Variants in PDE4D observed in about 807,000 individuals in gnomAD.
PDE4D encodes phosphodiesterase 4D.
PDE4D carries 24 observed loss-of-function variants against 87.4 expected under a neutral mutation model. The ratio of observed to expected loss-of-function variants is 0.27; its 90% confidence interval spans 0.20 to 0.39. The LOEUF (loss-of-function observed/expected upper bound fraction) is 0.39. Ranked by LOEUF, PDE4D falls within the 10% of genes least tolerant of loss-of-function variation. The probability of loss-of-function intolerance (pLI) is 1.00; values close to 1 mark genes in which losing one functional copy is unlikely to be tolerated. For missense variants in PDE4D, 714 were observed against 1,041.0 expected (o/e 0.69, Z 4.32); for synonymous variants, 384 against 383.2 (o/e 1.00, Z -0.02).
intron 2 of PDE4D, chr5:60,147,846 TGA>T (rs1221707609): frequency 2.2e-6 from 1 of 452,694 alleles, no homozygotes; most frequent in Non-Finnish European, 4.4e-6. Context: ...AGTGTCTTTG[TGA>T]GTTGACAGCT....
intron 1 of PDE4D, among the ~76,000 whole-genome samples, chr5:60,301,498 T>C (rs990321977): frequency 6.6e-6 from 1 of 152,210 alleles, no homozygotes; most frequent in Non-Finnish European, 1.5e-5. Flanking sequence ...ATTCATGATT[T>C]GGCTCTCTGC....
At chr5:59,899,246 C>T (rs983587036) in intron 3 of PDE4D, among the ~76,000 whole-genome samples, 5 of 151,946 alleles carry the variant, frequency 3.3e-5, no homozygotes, top group South Asian at 2.1e-4. Context: ...GAGAATAGCC[C>T]GTTGGACTCT....
At chr5:59,798,160 G>A (rs1437884178) in intron 1 of PDE4D, among the ~76,000 whole-genome samples, 2 of 152,108 alleles carry the variant, frequency 1.3e-5, no homozygotes, top group African/African-American at 4.8e-5. Context: ...TTGCACCTGG[G>A]AGGTTGAGGC....
At chr5:59,332,493 G>A (rs1240421213) in intron 1 of PDE4D, among the ~76,000 whole-genome samples, 1 of 152,024 alleles carries the variant, frequency 6.6e-6, no homozygotes, top group Non-Finnish European at 1.5e-5. Flanking sequence ...CCCTTTCCAA[G>A]ATTTACTCTG....
intron 1 of PDE4D, among the ~76,000 whole-genome samples, chr5:60,209,719 G>A (rs1258701733): frequency 6.6e-6 from 1 of 151,820 alleles, no homozygotes; most frequent in African/African-American, 2.4e-5. Context: ...GGGAGGAGAG[G>A]AAAAGAGGGA....
intron 2 of PDE4D, among the ~76,000 whole-genome samples, chr5:60,110,543 A>G (rs576422417): frequency 1.3e-5 from 2 of 152,292 alleles, no homozygotes; most frequent in East Asian, 3.9e-4. Flanking sequence ...ACTTTTATAC[A>G]TTGTTGGTGC....
chr5:60,345,095 C>G (rs1456495431), intron 1 of PDE4D, among the ~76,000 whole-genome samples: 1 of 151,870 alleles, frequency 6.6e-6, no homozygotes. Flanking sequence ...GTCTTACTCT[C>G]TAAAAAATTA....
intron 2 of PDE4D, among the ~76,000 whole-genome samples, chr5:60,173,661 A>C (rs929355809): frequency 6.6e-6 from 1 of 152,114 alleles, no homozygotes; most frequent in Non-Finnish European, 1.5e-5. Context: ...ACATAGATTC[A>C]AAACACTTAG....
intron 1 of PDE4D, among the ~76,000 whole-genome samples, chr5:59,434,577 C>T (rs1332740811): frequency 1.3e-5 from 2 of 152,092 alleles, no homozygotes; most frequent in East Asian, 3.9e-4. Flanking sequence ...TGCTGAAAAA[C>T]TCCCACCTCT....
At chr5:60,302,730 ATTCTCTAG>A (rs1477219460) in intron 1 of PDE4D, among the ~76,000 whole-genome samples, 1 of 151,916 alleles carries the variant, frequency 6.6e-6, no homozygotes, top group East Asian at 1.9e-4. Flanking sequence ...TTTGCTCTTG[ATTCTCTAG>A]TTCCTTTAGT....
At chr5:60,455,592 C>T (rs921043733) in intron 1 of PDE4D, among the ~76,000 whole-genome samples, 1 of 152,134 alleles carries the variant, frequency 6.6e-6, no homozygotes, top group Non-Finnish European at 1.5e-5. Context: ...TCTCAATTTG[C>T]TAGAACACAT....
At chr5:59,484,890 G>A (rs1240547363) in intron 1 of PDE4D, among the ~76,000 whole-genome samples, 4 of 152,114 alleles carry the variant, frequency 2.6e-5, no homozygotes, top group South Asian at 2.1e-4. Context: ...AAAAGTCTAC[G>A]ATTCACCAAC....
intron 1 of PDE4D, among the ~76,000 whole-genome samples, chr5:59,223,943 T>C (rs968883625): frequency 6.6e-6 from 1 of 151,832 alleles, no homozygotes; most frequent in Admixed American, 6.6e-5. Flanking sequence ...AGAGTTAAGA[T>C]ATTTAACAGA....
chr5:59,649,120 T>A (rs1360504817), intron 1 of PDE4D, among the ~76,000 whole-genome samples: 2 of 152,202 alleles, frequency 1.3e-5, no homozygotes, highest in African/African-American at 4.8e-5. Flanking sequence ...GGCAGCCGCC[T>A]AAGAGAAGGC....
intron 1 of PDE4D, among the ~76,000 whole-genome samples, chr5:59,334,346 C>T (rs1426962137): frequency 6.8e-6 from 1 of 147,938 alleles, no homozygotes; most frequent in Non-Finnish European, 1.5e-5. Context: ...GCAACCTCTG[C>T]CTCCTGAGTT....
intron 1 of PDE4D, among the ~76,000 whole-genome samples, chr5:59,230,256 G>A (rs1293240687): frequency 1.3e-5 from 2 of 151,962 alleles, no homozygotes; most frequent in Non-Finnish European, 2.9e-5. Flanking sequence ...AGTTGCACGT[G>A]TTTATTTTTC....
At chr5:60,196,725 A>G (rs138953957) in intron 1 of PDE4D, among the ~76,000 whole-genome samples, 1 of 151,692 alleles carries the variant, frequency 6.6e-6, no homozygotes, top group African/African-American at 2.4e-5. Flanking sequence ...TCCCCATAAA[A>G]TCTCTGGTGC....
intron 2 of PDE4D, among the ~76,000 whole-genome samples, chr5:60,120,691 TA>T (rs1488349113): frequency 1.3e-5 from 2 of 152,156 alleles, no homozygotes; most frequent in African/African-American, 4.8e-5. Flanking sequence ...ATACCTATAT[TA>T]CTGCCTGGCG....
chr5:59,819,045 C>T (rs1769335027), intron 1 of PDE4D, among the ~76,000 whole-genome samples: 1 of 152,136 alleles, frequency 6.6e-6, no homozygotes, highest in South Asian at 2.1e-4. Flanking sequence ...ACATTGTCTA[C>T]TTTGATCTAT....
Sources: allele counts gnomAD v4.1 joint callset (sites outside exome capture counted in the v4.1 genomes callset), GRCh38; gene constraint gnomAD v4.1.1; transcripts MANE v1.5; gene names NCBI Gene and HGNC (gene_info 2026-07-23, HGNC 2026-07-21).